AOPEP: variants seen among roughly 807,000 people sequenced by gnomAD.
The protein encoded by AOPEP is aminopeptidase O (putative).
In AOPEP, 77 loss-of-function variants were observed where a neutral mutation model predicts 98.1. The observed-to-expected ratio is 0.78, with a 90% CI of 0.65 to 0.95. The LOEUF (loss-of-function observed/expected upper bound fraction) is 0.95, where lower values mean the gene tolerates loss of function less well. AOPEP is among the 40% of genes least tolerant of loss of function. AOPEP has a pLI of 0.00. For missense variants in AOPEP, 1,024 were observed against 1,024.7 expected (o/e 1.00, Z 0.01); for synonymous variants, 346 against 365.3 (o/e 0.95, Z 0.60).
At chr9:95,083,970 G>A (rs1019060220) in intron 16 of AOPEP, among the ~76,000 whole-genome samples, 1 of 152,198 alleles carries the variant, frequency 6.6e-6, no homozygotes, top group African/African-American at 2.4e-5. Context: ...CACTATTAAA[G>A]CAACCTAGCG....
At chr9:94,823,892 A>G (rs1853850763) in intron 5 of AOPEP, among the ~76,000 whole-genome samples, 1 of 152,208 alleles carries the variant, frequency 6.6e-6, no homozygotes. Context: ...TGAAAACACC[A>G]TCTATGAAAG....
intron 5 of AOPEP, among the ~76,000 whole-genome samples, chr9:94,867,587 A>G (rs1333443018): frequency 6.6e-6 from 1 of 152,174 alleles, no homozygotes; most frequent in East Asian, 1.9e-4. Flanking sequence ...TGAAGAGTAG[A>G]TTTGCTTTTC....
chr9:94,743,523 G>A (rs1833745165), intron 1 of AOPEP, among the ~76,000 whole-genome samples: 1 of 152,228 alleles, frequency 6.6e-6, no homozygotes, highest in Non-Finnish European at 1.5e-5. Flanking sequence ...AAGTTTGATA[G>A]ATAAACAAAA....
chr9:95,108,930 G>C, the AOPEP span, among the ~76,000 whole-genome samples: 2 of 148,508 alleles, frequency 1.3e-5, no homozygotes, highest in African/African-American at 5.0e-5. Context: ...TTTGGAGACA[G>C]AGCCTTGCTC....
intron 13 of AOPEP, among the ~76,000 whole-genome samples, chr9:95,034,179 A>G (rs774624326): frequency 2.0e-5 from 3 of 152,226 alleles, no homozygotes; most frequent in Middle Eastern, 3.4e-3. Flanking sequence ...TATATTTGAG[A>G]CATAGTGATA....
rs534364719 is a variant in AOPEP, at chr9:94,779,744, A to G, written c.964+6576A>G. Among the ~76,000 whole-genome samples the G allele has an allele frequency of 5.7e-4, 87 of 152,160 alleles. 2 individuals carry two copies. The South Asian group carries it at 0.013, about 22-fold the overall frequency. ...CTGAGATGAAATTGCCCCTTACAAT[A>G]TGAATATGGTGCTGACGGCTCCATG... On this transcript the variant is annotated intron_variant, in intron 3 of 16. Transcript: ENST00000375315.
chr9:95,125,231 G>C, the AOPEP span: 1 of 1,511,706 alleles, frequency 6.6e-7, no homozygotes, highest in Non-Finnish European at 9.2e-7. Flanking sequence ...CAAGTAATCC[G>C]GCAAACATGA....
chr9:95,149,984 G>A, the AOPEP span: 10 of 1,613,340 alleles, frequency 6.2e-6, no homozygotes, highest in East Asian at 4.5e-5. Flanking sequence ...TGAGGTTCAC[G>A]TCCATGACAG....
At chr9:94,758,349 G>T (rs983084849) in intron 1 of AOPEP, among the ~76,000 whole-genome samples, 2 of 152,234 alleles carry the variant, frequency 1.3e-5, no homozygotes, top group Non-Finnish European at 2.9e-5. Context: ...CTAGAAACTG[G>T]ATTGTACAAG....
chr9:94,753,278 A>G (rs1035956833), intron 1 of AOPEP, among the ~76,000 whole-genome samples: 1 of 152,236 alleles, frequency 6.6e-6, no homozygotes, highest in Non-Finnish European at 1.5e-5. Context: ...GCTGGTGAAT[A>G]TATTTGTAAA....
At chr9:95,139,150 G>A in the AOPEP span, among the ~76,000 whole-genome samples, 1 of 152,176 alleles carries the variant, frequency 6.6e-6, no homozygotes, top group Admixed American at 6.5e-5. Flanking sequence ...TAAATAAAAA[G>A]GCAAATCACA....
At chr9:94,745,309 C>T (rs1385860512) in intron 1 of AOPEP, among the ~76,000 whole-genome samples, 1 of 150,538 alleles carries the variant, frequency 6.6e-6, no homozygotes. Flanking sequence ...CAGAGTCTGG[C>T]TCTGTCGCCT....
intron 5 of AOPEP, among the ~76,000 whole-genome samples, chr9:94,853,024 A>G (rs1035266595): frequency 6.6e-6 from 1 of 152,246 alleles, no homozygotes; most frequent in Non-Finnish European, 1.5e-5. Context: ...TCATAAAAAT[A>G]TTAGAACTAT....
At chr9:94,735,651 A>G (rs1416737418) in intron 1 of AOPEP, among the ~76,000 whole-genome samples, 1 of 152,242 alleles carries the variant, frequency 6.6e-6, no homozygotes, top group Non-Finnish European at 1.5e-5. Flanking sequence ...GAGTGATTTT[A>G]AAGTAACAGC....
chr9:94,795,008 A>G (rs1033785859), intron 4 of AOPEP, among the ~76,000 whole-genome samples: 9 of 152,220 alleles, frequency 5.9e-5, no homozygotes, highest in Non-Finnish European at 1.0e-4. Context: ...AGTAGCCATT[A>G]GTTGTTCCAA....
At chr9:94,882,132 C>G (rs557264597) in intron 5 of AOPEP, among the ~76,000 whole-genome samples, 1 of 152,158 alleles carries the variant, frequency 6.6e-6, no homozygotes, top group African/African-American at 2.4e-5. Flanking sequence ...TGATCACAAG[C>G]TCTTACTTTG....
intron 13 of AOPEP, among the ~76,000 whole-genome samples, chr9:95,010,336 TCTTGGACCCAAAAC>T (rs1192531878): frequency 6.6e-6 from 1 of 152,228 alleles, no homozygotes; most frequent in Non-Finnish European, 1.5e-5. Flanking sequence ...TTTGGCTCTT[TCTTGGACCCAAAAC>T]AACAGATGGT....
intron 13 of AOPEP, among the ~76,000 whole-genome samples, chr9:95,026,577 T>A (rs2063856024): frequency 6.6e-6 from 1 of 152,268 alleles, no homozygotes; most frequent in Admixed American, 6.5e-5. Flanking sequence ...CACCACATTT[T>A]ATCTGTCTGT....
chr9:94,833,970 A>G (rs1474909996), intron 5 of AOPEP, among the ~76,000 whole-genome samples: 15 of 151,284 alleles, frequency 9.9e-5, no homozygotes, highest in East Asian at 1.9e-4. Flanking sequence ...ATGGGAGTAC[A>G]TAACAACCCT....
Sources: gnomAD v4.1 joint callset for allele counts (sites outside exome capture counted in the v4.1 genomes callset) on GRCh38, gnomAD v4.1.1 for gene constraint, MANE v1.5 for transcripts, NCBI Gene and HGNC (gene_info 2026-07-23, HGNC 2026-07-21) for gene names.